The following PCDHA2 variants were observed in gnomAD, a reference collection of about 807,000 sequenced individuals.
The protein encoded by PCDHA2 is protocadherin alpha-2.
A neutral mutation model predicts 66.0 loss-of-function variants in PCDHA2; 58 were observed. The observed-to-expected ratio is 0.88, with a 90% CI of 0.71 to 1.09. The LOEUF is 1.09. Ranked by LOEUF, PCDHA2 falls within the 50% of genes least tolerant of loss-of-function variation. PCDHA2 has a pLI of 0.00. For synonymous variants in PCDHA2, 634 were observed against 554.0 expected (o/e 1.14, Z -2.03); for missense variants, 1,267 against 1,242.3 (o/e 1.02, Z -0.30).
intron 1 of PCDHA2, chr5:140,836,932 C>G: frequency 4.1e-6 from 2 of 485,222 alleles, no homozygotes; most frequent in Non-Finnish European, 3.5e-6. Context: ...ATGCGTAATA[C>G]TATAGATCAA....
rs1335181198 is a variant in PCDHA2 at position 140,797,295 on chromosome 5, T to C, written c.2331T>C (p.Ser777=). Residue 777 remains serine, a synonymous_variant, in exon 1 of 4, where the codon TCT becomes TCC. Transcript: ENST00000526136. ...TDLMAFSPSL[S]QGPDSAEEKQ... Reference sequence around the variant, plus strand: ...TCATGGCCTTCAGCCCTAGCTTATCTCAAGGTCCAGACTCCGCAGAAGAGA... The same window carrying C: ...TCATGGCCTTCAGCCCTAGCTTATCCCAAGGTCCAGACTCCGCAGAAGAGA... 4.3e-6 allele frequency: 7 copies of C among 1,614,070 alleles called. No homozygotes were observed. In the Admixed American group the frequency reaches 1.0e-4, roughly 23 times the overall value.
chr5:140,843,519 G>A, intron 1 of PCDHA2: 1 of 1,595,904 alleles, frequency 6.3e-7, no homozygotes, highest in Non-Finnish European at 8.6e-7. Context: ...GGCGGGTGCC[G>A]GGCGGGCAAG....
At position 140,853,046 on chromosome 5, in the gene PCDHA2, T is replaced by C. The variant is rs2150527902; in HGVS notation, c.2388+55694T>C. 4 of 266,690 alleles carry C rather than the reference T, an allele frequency of 1.5e-5. No individual in the cohort carries two copies. The South Asian group carries it at 5.7e-4, about 38-fold the overall frequency. The allele number at this position is 266,690 out of a possible 1,614,324, so 16.5% of individuals were successfully genotyped here. On this transcript the variant is annotated intron_variant, in intron 1 of 3. Transcript: ENST00000526136. ...GGCGCCTGCCACCATGCCCGCCTAA[T>C]TTTTTTGTATTTTTAGTAGAGATGG...
intron 3 of PCDHA2, among the ~76,000 whole-genome samples, chr5:141,005,659 G>T (rs963015988): frequency 1.6e-5 from 2 of 123,890 alleles, no homozygotes; most frequent in South Asian, 2.6e-4. Flanking sequence ...TCGAGATCGC[G>T]CCACTGCACT....
At chr5:140,906,521 C>T (rs529787398) in intron 1 of PCDHA2, among the ~76,000 whole-genome samples, 4 of 152,330 alleles carry the variant, frequency 2.6e-5, no homozygotes, top group African/African-American at 9.6e-5. Flanking sequence ...AGGAAATACT[C>T]ACGACAATTA....
chr5:140,937,227 C>CG lies in PCDHA2; in HGVS notation c.2389-41718dup, dbSNP rs2091422712. Among the ~76,000 whole-genome samples the CG allele has an allele frequency of 2.0e-5, 3 of 151,930 alleles. No homozygotes were observed. The South Asian group carries it at 6.2e-4, about 32-fold the overall frequency. On this transcript the variant is annotated intron_variant, in intron 1 of 3. Transcript: ENST00000526136. Reference sequence around the variant, plus strand: ...TAATTTTTTGTATTTTTTGTAGAGACGGGGTTTCACCGTGTTAGCCAGGAT... The same window carrying CG: ...TAATTTTTTGTATTTTTTGTAGAGACGGGGGTTTCACCGTGTTAGCCAGGAT...
chr5:140,985,128 G>C (rs908196925), intron 3 of PCDHA2, among the ~76,000 whole-genome samples: 1 of 152,056 alleles, frequency 6.6e-6, no homozygotes, highest in African/African-American at 2.4e-5. Context: ...TAGTAAAGAC[G>C]GGGTTTCACC....
At chr5:140,906,041 A>T (rs1257569280) in intron 1 of PCDHA2, among the ~76,000 whole-genome samples, 1 of 152,128 alleles carries the variant, frequency 6.6e-6, no homozygotes, top group Non-Finnish European at 1.5e-5. Context: ...GTCTGCTTTT[A>T]TTCTGGCTGC....
At chr5:140,887,238 C>T (rs1191260946) in intron 1 of PCDHA2, among the ~76,000 whole-genome samples, 11 of 151,856 alleles carry the variant, frequency 7.2e-5, no homozygotes, top group East Asian at 3.9e-4. Flanking sequence ...CTGAGACTAC[C>T]GGCGCCCGCC....
chr5:140,869,250 G>T lies in PCDHA2; in HGVS notation c.2388+71898G>T, dbSNP rs371660992. ...ACGGCACCTTCGTGGGCCGCATCGC[G>T]CAGGACCTGGGGCTGGAGCTGGCGG... On this transcript the variant is annotated intron_variant, in intron 1 of 3. Transcript: ENST00000526136. The T allele has an allele frequency of 8.4e-5, 135 of 1,613,518 alleles. No homozygotes were observed. In the Middle Eastern group the frequency reaches 1.0e-3, roughly 13 times the overall value.
chr5:140,991,923 C>T (rs996562269), intron 3 of PCDHA2, among the ~76,000 whole-genome samples: 1 of 152,088 alleles, frequency 6.6e-6, no homozygotes, highest in Non-Finnish European at 1.5e-5. Flanking sequence ...TGTAACATAA[C>T]ATATTCACAA....
chr5:140,843,462 C>G (rs2150360645), intron 1 of PCDHA2: 5 of 1,596,046 alleles, frequency 3.1e-6, no homozygotes, highest in Non-Finnish European at 3.4e-6. Flanking sequence ...CTGGTGCTCA[C>G]GCTGCTGCTG....
chr5:140,846,983 T>TC (rs1245867749), intron 1 of PCDHA2, among the ~76,000 whole-genome samples: 3 of 148,244 alleles, frequency 2.0e-5, no homozygotes, highest in African/African-American at 7.4e-5. Context: ...ATAAGTAAGT[T>TC]CCCCCCGGGA....
chr5:140,980,877 C>T (rs1321284538), intron 2 of PCDHA2, among the ~76,000 whole-genome samples: 9 of 152,186 alleles, frequency 5.9e-5, no homozygotes, highest in African/African-American at 1.7e-4. Flanking sequence ...TGGGTGTTCT[C>T]GGTCTTTCCA....
rs1323301501 is a variant in PCDHA2, at chr5:140,843,782, T to C, written c.2388+46430T>C. 2.1e-6 allele frequency: 3 copies of C among 1,427,592 alleles called. No homozygotes were observed. In the African/African-American group the frequency reaches 4.2e-5, roughly 20 times the overall value. 88.4% of individuals were successfully genotyped at this position (1,427,592 alleles called of 1,614,324 possible). A position where few individuals can be genotyped will look rare whatever the true frequency, so the allele number is the denominator to read the frequency against. On this transcript the variant is annotated intron_variant, in intron 1 of 3. Coordinates refer to ENST00000526136, the MANE Select transcript of PCDHA2 (RefSeq NM_018905.3). ...GAAATTGTAGTTACTTTAAAAGTGT[T>C]TCAGATTTAGTTTTTCACCGTATTT...
chr5:140,900,180 T>G (rs1223345758), intron 1 of PCDHA2, among the ~76,000 whole-genome samples: 3 of 152,228 alleles, frequency 2.0e-5, no homozygotes, highest in Non-Finnish European at 4.4e-5. Context: ...CTGGTTTATG[T>G]CACTTATAAT....
intron 1 of PCDHA2, chr5:140,821,928 A>C (rs2150112074): frequency 2.5e-6 from 4 of 1,614,152 alleles, no homozygotes; most frequent in Non-Finnish European, 2.5e-6. Flanking sequence ...CGCAGGACCT[A>C]GGGCTGGAGC....
intron 1 of PCDHA2, chr5:140,809,570 A>G (rs1554125289): frequency 1.2e-6 from 2 of 1,604,996 alleles, no homozygotes; most frequent in East Asian, 4.5e-5. Flanking sequence ...ATCCTTTGCA[A>G]AGGTTAGTGT....
intron 1 of PCDHA2, chr5:140,868,781 A>G (rs868977486): frequency 3.0e-5 from 9 of 299,116 alleles, no homozygotes; most frequent in African/African-American, 1.5e-4. Flanking sequence ...ATGACTTATA[A>G]TCTGAATATT....
Sources: gnomAD v4.1 joint callset for allele counts (sites outside exome capture counted in the v4.1 genomes callset) on GRCh38, gnomAD v4.1.1 for gene constraint, MANE v1.5 for transcripts, NCBI Gene and HGNC (gene_info 2026-07-23, HGNC 2026-07-21) for gene names.